The following MTIF2 variants were observed in gnomAD, a reference collection of about 807,000 sequenced individuals.
The protein encoded by MTIF2 is translation initiation factor IF-2, mitochondrial.
A neutral mutation model predicts 83.5 loss-of-function variants in MTIF2; 71 were observed. The ratio of observed to expected loss-of-function variants is 0.85; its 90% CI spans 0.70 to 1.04. MTIF2 has a LOEUF of 1.04. MTIF2 is among the 50% of genes least tolerant of loss of function. The pLI is 0.00. For synonymous variants in MTIF2, 319 were observed against 287.1 expected (o/e 1.11, Z -1.12); for missense variants, 957 against 846.5 (o/e 1.13, Z -1.62).
chr2:55,241,563 C>T (rs745678777), intron 13 of MTIF2, among the ~76,000 whole-genome samples: 3 of 148,826 alleles, frequency 2.0e-5, no homozygotes, highest in Non-Finnish European at 3.0e-5. Flanking sequence ...GCCATTCAGG[C>T]CGGGTGCAGT....
At position 55,252,694 on chromosome 2, in the gene MTIF2, T is replaced by C. The variant is rs1677190437; in HGVS notation, c.665-41A>G. On this transcript the variant is annotated intron_variant, in intron 7 of 15. Coordinates refer to ENST00000263629, the MANE Select transcript of MTIF2 (RefSeq NM_002453.3). The stretch of plus-strand genomic sequence containing the variant: ...TTCAAGAACATCAAGGATTCAAACA[T>C]GTACTTCCTTAATACCAAAGAATAT... 5.4e-6 allele frequency: 8 copies of C among 1,485,998 alleles called. No homozygotes were observed. In the East Asian group the frequency reaches 1.1e-4, roughly 21 times the overall value. The allele number at this position is 1,485,998 out of a possible 1,614,324, so 92.1% of individuals were successfully genotyped here. A position where few individuals can be genotyped will look rare whatever the true frequency, so the allele number is the denominator to read the frequency against.
Position 55,262,408 on chromosome 2 carries a change from G to C in MTIF2, c.239C>G (p.Ser80Cys). ...VTKKEEGPWK[S>C]QLSSTKSKKV... Reference sequence around the variant, plus strand: ...TTTAGATTTTGTTGAAGATAACTGAGATTTCCATGGTCCTTCTTCCTATTA... The same window carrying C: ...TTTAGATTTTGTTGAAGATAACTGACATTTCCATGGTCCTTCTTCCTATTA... Residue 80 changes from serine (S) to cysteine (C), a missense_variant, in exon 5 of 16, where the codon TCT (serine) becomes TGT (cysteine). This residue lies in a region of MTIF2 where 733 missense variants were observed against 648.7 expected (regional missense o/e 1.13). Coordinates refer to ENST00000263629, the MANE Select transcript of MTIF2 (RefSeq NM_002453.3). The C allele has an allele frequency of 6.2e-7, 1 of 1,611,224 alleles. No homozygotes were observed. Among genetic ancestry groups the C allele is most frequent in the Non-Finnish European group, 8.5e-7 (1 of 1,178,178 alleles).
chr2:55,246,392 G>C lies in MTIF2; in HGVS notation c.1051C>G (p.Pro351Ala). The change falls in exon 10 of 16, where the codon CCC (proline) becomes GCC (alanine). Residue 351 changes from proline to alanine, a missense_variant. Around this residue, in one of 3 missense-constraint regions of MTIF2, gnomAD observed 733 missense variants for 648.7 expected, o/e 1.13. Transcript: ENST00000263629. ...ACTGTTCCTTCCACTGGACCATTGG[G>C]ATCTGCTTTCAATTCTAACATTTCT... ...LAEMLELKAD[P>A]NGPVEGTVIE... The C allele has an allele frequency of 6.2e-7, 1 of 1,613,730 alleles. No homozygotes were observed. Among genetic ancestry groups the C allele is most frequent in the Non-Finnish European group, 8.5e-7 (1 of 1,179,736 alleles).
In MTIF2 at chr2:55,244,170, T is replaced by C. The variant is rs1322083013; in HGVS notation, c.1170A>G (p.Gly390=). The change falls in exon 11 of 16, where the codon GGA becomes GGG. Residue 390 remains glycine, a synonymous_variant. Coordinates refer to ENST00000263629, the MANE Select transcript of MTIF2 (RefSeq NM_002453.3). The part of the protein sequence containing the change: ...TLRKGSVLVA[G]KCWAKVRLMF... The stretch of plus-strand genomic sequence containing the variant: ...TTAAGCGTACTTTTGCCCAACATTT[T>C]CCAGCAACCAGAACAGAGCCTTTTC... 6.2e-7 allele frequency: 1 copy of C among 1,614,148 alleles called. No homozygotes were observed. The highest frequency in any genetic ancestry group is 8.5e-7 in the Non-Finnish European group (1 of 1,180,004).
At chr2:55,255,427 TATG>T (rs1677437483) in intron 5 of MTIF2, among the ~76,000 whole-genome samples, 1 of 125,752 alleles carries the variant, frequency 8.0e-6, no homozygotes, top group South Asian at 2.8e-4. Flanking sequence ...TATATCTCAA[TATG>T]ATATATTATG....
chr2:55,245,967 G>A (rs1676666808), intron 10 of MTIF2, among the ~76,000 whole-genome samples: 1 of 152,056 alleles, frequency 6.6e-6, no homozygotes, highest in African/African-American at 2.4e-5. Flanking sequence ...TTATATTAAT[G>A]GGTAAAGTAT....
At chr2:55,241,450 A>G (rs994786209) in intron 13 of MTIF2, among the ~76,000 whole-genome samples, 1 of 151,810 alleles carries the variant, frequency 6.6e-6, no homozygotes, top group Non-Finnish European at 1.5e-5. Context: ...AAAGAAAAAA[A>G]AGCAAAACAC....
In MTIF2 at chr2:55,236,689, T is replaced by TTTC; in HGVS notation, c.2140_2142dup (p.Glu714dup). ...CAAGAAGTCTTGGCTTGAATTTGCT[T>TTTC]TTCTTCATAACAAACAATTCTGTCT... is the stretch of plus-strand genomic sequence containing the variant. On this transcript the variant is annotated inframe_insertion, in exon 16 of 16. Coordinates refer to ENST00000263629, the MANE Select transcript of MTIF2 (RefSeq NM_002453.3). The TTTC allele has an allele frequency of 3.1e-6, 5 of 1,602,034 alleles. No homozygotes were observed. Among genetic ancestry groups the TTTC allele is most frequent in the Non-Finnish European group, 3.4e-6 (4 of 1,176,908 alleles).
intron 10 of MTIF2, among the ~76,000 whole-genome samples, chr2:55,245,873 TAGAG>T (rs1044228982): frequency 4.6e-5 from 7 of 152,166 alleles, no homozygotes; most frequent in Non-Finnish European, 1.0e-4. Context: ...ACTCAGTTGT[TAGAG>T]AGTGTAAAGC....
At chr2:55,237,204 A>G (rs1675904144) in intron 15 of MTIF2, 84 bp downstream of exon 15, 1 of 1,422,490 alleles carries the variant, frequency 7.0e-7, no homozygotes, top group Non-Finnish European at 9.5e-7. Context: ...TGGGCATGAA[A>G]GATGAACAGA....
chr2:55,261,496 C>T (rs1266074045), intron 5 of MTIF2, among the ~76,000 whole-genome samples: 1 of 151,734 alleles, frequency 6.6e-6, no homozygotes, highest in Non-Finnish European at 1.5e-5. Context: ...AATCCCAGCT[C>T]CTCAGGAGGC....
Position 55,259,429 on chromosome 2 carries a change from C to G in MTIF2, c.331+2887G>C, listed in dbSNP as rs560197152. On this transcript the variant is annotated intron_variant, in intron 5 of 15. Coordinates refer to ENST00000263629, the MANE Select transcript of MTIF2 (RefSeq NM_002453.3). ...CATGAGACTAAATTTGTATTTTAAT[C>G]ATTCTATTTATTAGTCATAATAAAG... Among the ~76,000 whole-genome samples the G allele has an allele frequency of 1.3e-4, 19 of 150,692 alleles. No homozygotes were observed. The South Asian group carries it at 3.8e-3, about 30-fold the overall frequency.
intron 13 of MTIF2, among the ~76,000 whole-genome samples, chr2:55,242,086 G>A (rs1382136657): frequency 6.6e-6 from 1 of 150,562 alleles, no homozygotes; most frequent in African/African-American, 2.4e-5. Flanking sequence ...AGGTTGCAGT[G>A]AGCCGAGACC....
chr2:55,237,261 A>G, intron 15 of MTIF2, 27 bp downstream of exon 15: 1 of 1,600,948 alleles, frequency 6.2e-7, no homozygotes, highest in Non-Finnish European at 8.5e-7. Context: ...TGGATATGCT[A>G]TTATAGGAGA....
Position 55,243,045 on chromosome 2 carries a change from T to C in MTIF2, c.1600A>G (p.Ile534Val), listed in dbSNP as rs865891886. 4 of 1,611,118 alleles carry C rather than the reference T, an allele frequency of 2.5e-6. No homozygotes were observed. The highest frequency in any genetic ancestry group is 3.3e-4 in the Middle Eastern group (2 of 6,072). Residue 534 changes from isoleucine to valine, a missense_variant, in exon 13 of 16, where the codon ATT becomes GTT. Physicochemically the swap from Ile to Val is conservative, Grantham distance 29. Coordinates refer to ENST00000263629, the MANE Select transcript of MTIF2 (RefSeq NM_002453.3). ...TGTGAAGCATCATAGGTATCTATAA[T>C]GTTCAAAATGGCCTCAACAGAACCA... ...VDGSVEAILN[I>V]IDTYDASHEC...
In MTIF2 at chr2:55,268,650, C is replaced by A. The variant is rs1483548046; in HGVS notation, c.-147G>T. ...CAAAAAAGCTTCTCCAATGTCATAC[C>A]GCTAGTTAATGGCAGTCAAGACTAG... On this transcript the variant is annotated 5_prime_UTR_variant, in exon 2 of 16. Transcript: ENST00000263629. 6.6e-6 allele frequency: 1 copy of A among 152,248 alleles called. No homozygotes were observed. Among genetic ancestry groups the A allele is most frequent in the African/African-American group, 2.4e-5 (1 of 41,442 alleles). The allele number at this position is 152,248 out of a possible 1,614,324, so 9.4% of individuals were successfully genotyped here. A position where few individuals can be genotyped will look rare whatever the true frequency, so the allele number is the denominator to read the frequency against.
chr2:55,256,897 C>T (rs533079602), intron 5 of MTIF2, among the ~76,000 whole-genome samples: 2 of 151,960 alleles, frequency 1.3e-5, no homozygotes, highest in Non-Finnish European at 2.9e-5. Flanking sequence ...AGGGTTCTTG[C>T]CATTTTGCCC....
intron 8 of MTIF2, among the ~76,000 whole-genome samples, chr2:55,251,805 T>C (rs532858835): frequency 5.9e-5 from 9 of 152,274 alleles, no homozygotes; most frequent in Non-Finnish European, 1.0e-4. Context: ...GTATTTTTAG[T>C]AGAGACAGGG....
At chr2:55,250,602 C>A (rs1677027111) in intron 8 of MTIF2, among the ~76,000 whole-genome samples, 1 of 152,090 alleles carries the variant, frequency 6.6e-6, no homozygotes, top group African/African-American at 2.4e-5. Context: ...AGGTCAGTGA[C>A]CTAGTAGGCT....
Sources: allele counts gnomAD v4.1 joint callset (sites outside exome capture counted in the v4.1 genomes callset), GRCh38; gene constraint gnomAD v4.1.1; regional missense constraint gnomAD v4.1.1; transcripts MANE v1.5; gene names NCBI Gene and HGNC (gene_info 2026-07-23, HGNC 2026-07-21).